The following PRSS41 variants were observed in gnomAD, a reference collection of about 807,000 sequenced individuals.
PRSS41 encodes protease, serine 41.
A neutral mutation model predicts 28.8 loss-of-function variants in PRSS41; 37 were observed. The ratio of observed to expected loss-of-function variants is 1.29; its 90% confidence interval spans 0.99 to 1.69. The LOEUF is 1.69. Ranked by LOEUF, PRSS41 falls within the 40% of genes most tolerant of loss-of-function variation. The probability of loss-of-function intolerance (pLI) is 0.00; values close to 1 mark genes in which losing one functional copy is unlikely to be tolerated. For missense variants in PRSS41, 431 were observed against 400.7 expected, an observed-to-expected ratio of 1.08 and a Z score of -0.65; for synonymous variants, 195 against 163.1, an observed-to-expected ratio of 1.20 and a Z score of -1.49.
intron 4 of PRSS41, among the ~76,000 whole-genome samples, chr16:2,801,438 TAAAC>T (rs961793556): frequency 6.6e-6 from 1 of 150,806 alleles, no homozygotes; most frequent in Non-Finnish European, 1.5e-5. Context: ...GGTCAGCAGA[TAAAC>T]AAGTGAACAA....
At chr16:2,798,490 C>T in exon 1 of PRSS41, 2 of 1,513,204 alleles carry the variant, frequency 1.3e-6, no homozygotes, top group Non-Finnish European at 1.8e-6. Context: ...AGGCCATGGG[C>T]GCGCGCGGGG....
chr16:2,802,367 G>A (rs1210541675), intron 4 of PRSS41, among the ~76,000 whole-genome samples: 6 of 150,296 alleles, frequency 4.0e-5, no homozygotes, highest in African/African-American at 7.4e-5. Context: ...ATGGGATGGC[G>A]GCCGGGCGGA....
intron 4 of PRSS41, among the ~76,000 whole-genome samples, chr16:2,802,384 C>T (rs2068994815): frequency 6.6e-6 from 1 of 151,018 alleles, no homozygotes; most frequent in African/African-American, 2.4e-5. Flanking sequence ...CGGAGACGCT[C>T]CTCACTTTCC....
chr16:2,805,231 G>C (rs890424160), exon 6 of PRSS41: 1 of 891,096 alleles, frequency 1.1e-6, no homozygotes, highest in Non-Finnish European at 1.7e-6. Flanking sequence ...TCAGGGACAG[G>C]GTTGGGACTG....
chr16:2,799,462 C>A, exon 4 of PRSS41: 2 of 1,552,252 alleles, frequency 1.3e-6, no homozygotes, highest in Non-Finnish European at 1.7e-6. Flanking sequence ...TCTTCTGTCA[C>A]CTACAATGCG....
intron 4 of PRSS41, among the ~76,000 whole-genome samples, chr16:2,803,791 AT>A (rs1874560281): frequency 6.6e-6 from 1 of 151,880 alleles, no homozygotes. Flanking sequence ...TTTCTTCTTC[AT>A]TTTTTTCCTG....
At chr16:2,804,407 A>C in exon 5 of PRSS41, 1 of 1,551,508 alleles carries the variant, frequency 6.4e-7, no homozygotes, top group South Asian at 1.2e-5. Flanking sequence ...CCACCTCCTT[A>C]CAACCTCCGG....
In PRSS41 at chr16:2,799,587, C is replaced by T. The variant is rs1393091259; in HGVS notation, c.541+18C>T. On this transcript the variant is annotated intron_variant, in intron 4 of 5. Coordinates refer to ENST00000399677, the Ensembl canonical transcript of PRSS41. ...CAGTGGCAGTGAGGCTGGGGATAGA[C>T]CGGGTGGGGTGATGGGGGTGCGGGG... 2 of 1,549,838 alleles carry T rather than the reference C, an allele frequency of 1.3e-6. No individual in the cohort carries two copies. Among genetic ancestry groups the T allele is most frequent in the Admixed American group, 2.0e-5 (1 of 50,990 alleles).
At chr16:2,799,303 A>G (rs1253931694) in exon 4 of PRSS41, 1 of 1,551,362 alleles carries the variant, frequency 6.4e-7, no homozygotes, top group Non-Finnish European at 8.7e-7. Flanking sequence ...TATCCCTCCG[A>G]GTGGACGGTC....
exon 5 of PRSS41, chr16:2,804,504 G>A (rs1344946595): frequency 6.4e-7 from 1 of 1,551,296 alleles, no homozygotes; most frequent in Non-Finnish European, 8.7e-7. Flanking sequence ...GGGATTCCAT[G>A]TTTTGTGCTG....
rs1457641870 is a variant in PRSS41, at chr16:2,799,583, T to A, written c.541+14T>A. On this transcript the variant is annotated intron_variant, in intron 4 of 5. Coordinates refer to ENST00000399677, the Ensembl canonical transcript of PRSS41. ...GCCCCAGTGGCAGTGAGGCTGGGGATAGACCGGGTGGGGTGATGGGGGTGC... is the reference window on the plus strand; with the variant it reads ...GCCCCAGTGGCAGTGAGGCTGGGGAAAGACCGGGTGGGGTGATGGGGGTGC... 1.9e-6 allele frequency: 3 copies of A among 1,550,520 alleles called. No homozygotes were observed. The South Asian group carries it at 3.6e-5, about 18-fold the overall frequency.
In PRSS41 at chr16:2,804,821, A is replaced by G. The variant is rs1002061629; in HGVS notation, c.700-93A>G. The G allele has an allele frequency of 5.0e-6, 5 of 1,000,602 alleles. No individual in the cohort carries two copies. In the African/African-American group the frequency reaches 8.0e-5, roughly 16 times the overall value. 62.0% of individuals were successfully genotyped at this position (1,000,602 alleles called of 1,614,324 possible). On this transcript the variant is annotated intron_variant, in intron 5 of 5. Transcript: ENST00000399677. ...ATGGGAAGGAGTAAGGTTTGCATTC[A>G]GTCTGCCTAGCCCCACAGCCCCTCC...
chr16:2,798,539 G>A lies in PRSS41; in HGVS notation c.55G>A (p.Gly19Arg), dbSNP rs748833832. ...GCTGCTGCTGGCTCGGGCTGGACTC[G>A]GGAAGCCGGGTGAGCTCGGGGCGCT... Residue 19 changes from glycine to arginine, a missense_variant, in exon 1 of 6, where the codon GGG (glycine) becomes AGG (arginine). Coordinates refer to ENST00000399677, the Ensembl canonical transcript of PRSS41. 11 of 1,531,774 alleles carry A rather than the reference G, an allele frequency of 7.2e-6. No individual in the cohort carries two copies. In the African/African-American group the frequency reaches 9.8e-5, roughly 14 times the overall value. 94.9% of individuals were successfully genotyped at this position (1,531,774 alleles called of 1,614,324 possible). A position where few individuals can be genotyped will look rare whatever the true frequency, so the allele number is the denominator to read the frequency against.
At chr16:2,798,911 C>A in intron 2 of PRSS41, 48 bp from the exon 3 acceptor site, 10 of 1,422,576 alleles carry the variant, frequency 7.0e-6, no homozygotes, top group South Asian at 2.6e-5. Flanking sequence ...CGGGCCTGCC[C>A]ACCCCACCCC....
In PRSS41 at chr16:2,801,609, T is replaced by G. The variant is rs1486408164; in HGVS notation, c.541+2040T>G. On this transcript the variant is annotated intron_variant, in intron 4 of 5. Transcript: ENST00000399677. ...CATCTTGCACCGCCCTTAATCCATT[T>G]AACCCTGAGTGGACACAGCACATGT... Among the ~76,000 whole-genome samples, 5 of 151,526 alleles carry G rather than the reference T, an allele frequency of 3.3e-5. No homozygotes were observed. In the East Asian group the frequency reaches 7.8e-4, roughly 23 times the overall value.
At chr16:2,801,553 T>A (rs2068986326) in intron 4 of PRSS41, among the ~76,000 whole-genome samples, 1 of 151,710 alleles carries the variant, frequency 6.6e-6, no homozygotes, top group Admixed American at 6.6e-5. Context: ...TTAACGAGCA[T>A]GCTGCCTTCA....
chr16:2,800,634 TG>T (rs1239601073), intron 4 of PRSS41, among the ~76,000 whole-genome samples: 1 of 151,924 alleles, frequency 6.6e-6, no homozygotes, highest in Admixed American at 6.6e-5. Flanking sequence ...AAGTGGCTGT[TG>T]GTAAGTGAAC....
At chr16:2,803,062 C>A (rs1596310074) in intron 4 of PRSS41, among the ~76,000 whole-genome samples, 1 of 152,286 alleles carries the variant, frequency 6.6e-6, no homozygotes, top group Middle Eastern at 3.4e-3. Context: ...TAAGGAGCAC[C>A]TATCTGGATC....
At chr16:2,802,261 C>T (rs1461390312) in intron 4 of PRSS41, among the ~76,000 whole-genome samples, 3 of 147,270 alleles carry the variant, frequency 2.0e-5, no homozygotes, top group Non-Finnish European at 3.0e-5. Flanking sequence ...GGGGCAGAGG[C>T]GCTCCCCACA....
Sources: gnomAD v4.1 joint callset for allele counts (sites outside exome capture counted in the v4.1 genomes callset) on GRCh38, gnomAD v4.1.1 for gene constraint, MANE v1.5 for transcripts, NCBI Gene and HGNC (gene_info 2026-07-23, HGNC 2026-07-21) for gene names.